Variants in FANCA observed in about 807,000 individuals in gnomAD.
FANCA encodes the protein Fanconi anemia group A protein.
In FANCA, 236 loss-of-function variants were observed where a neutral mutation model predicts 194.3. The ratio of observed to expected loss-of-function variants is 1.21; its 90% CI spans 1.09 to 1.35. The LOEUF (loss-of-function observed/expected upper bound fraction) is 1.35. Among genes scored for constraint, FANCA ranks in the 40% most tolerant of loss-of-function variants. The pLI is 0.00. For missense variants in FANCA, 2,628 were observed against 1,813.9 expected, an observed-to-expected ratio of 1.45 and a Z score of -8.15; for synonymous variants, 1,014 against 715.8, an observed-to-expected ratio of 1.42 and a Z score of -6.65.
chr16:89,773,259 A>T lies in FANCA; in HGVS notation c.2014+12T>A, dbSNP rs370998253. The T allele has an allele frequency of 1.4e-5, 21 of 1,542,374 alleles. No homozygotes were observed. In the African/African-American group the frequency reaches 2.7e-4, roughly 20 times the overall value. On this transcript the variant is annotated intron_variant, in intron 22 of 42. Transcript: ENST00000389301. Reference sequence around the variant, plus strand: ...CACATGAGACACAGCATGAGCTCCCATCCATCCTCACCATCACGCTGGCTG... The same window carrying T: ...CACATGAGACACAGCATGAGCTCCCTTCCATCCTCACCATCACGCTGGCTG...
rs1384786686 is a variant in FANCA at position 89,792,104 on chromosome 16, G to C, written c.1084-36C>G. On this transcript the variant is annotated intron_variant, in intron 12 of 42. Transcript: ENST00000389301. ...AGCATCCGCTCCCTTCAATATCCAA[G>C]CAAACCAATGTGCGACAGATGACCC... is the stretch of plus-strand genomic sequence containing the variant. 3 of 1,613,872 alleles carry C rather than the reference G, an allele frequency of 1.9e-6. No homozygotes were observed. In the East Asian group the frequency reaches 6.7e-5, roughly 36 times the overall value.
intron 15 of FANCA, 58 bp from the exon 16 acceptor site, chr16:89,783,160 G>T: frequency 7.5e-7 from 1 of 1,325,314 alleles, no homozygotes; most frequent in South Asian, 1.2e-5. Context: ...GGGACTCCAG[G>T]GAGGCCACAA....
Position 89,814,590 on chromosome 16 carries a change from T to C in FANCA, c.213A>G (p.Lys71=). Residue 71 remains lysine, a synonymous_variant, in exon 3 of 43, where the codon AAA becomes AAG. Transcript: ENST00000389301. ...AGTCAATCACTTTGCTGAGAGACAA[T>C]TTTTTACACAGTGGACCTTCTACCT... The part of the protein sequence containing the change: ...LLEVEGPLCK[K]LSLSKVIDCD... The C allele has an allele frequency of 3.1e-6, 5 of 1,613,512 alleles. No individual in the cohort carries two copies. Among genetic ancestry groups the C allele is most frequent in the South Asian group, 2.2e-5 (2 of 91,058 alleles).
Position 89,739,154 on chromosome 16 carries a change from C to A in FANCA, c.4146G>T (p.Arg1382Ser). 6.2e-7 allele frequency: 1 copy of A among 1,614,138 alleles called. No homozygotes were observed. The highest frequency in any genetic ancestry group is 8.5e-7 in the Non-Finnish European group (1 of 1,180,040). The part of the protein sequence containing the change: ...DTSTVSPPAG[R>S]SLELKGQGNP... ...CTGCCTGACCCTTGAGCTCCAGGCTCCTGCCAGCTGGAGGTGAAACTGTGC... is the reference window on the plus strand; with the variant it reads ...CTGCCTGACCCTTGAGCTCCAGGCTACTGCCAGCTGGAGGTGAAACTGTGC... Residue 1382 changes from arginine to serine, a missense_variant, in exon 41 of 43, where the codon AGG becomes AGT. Transcript: ENST00000389301.
At chr16:89,798,730 G>A in intron 10 of FANCA, 1 of 1,343,320 alleles carries the variant, frequency 7.4e-7, no homozygotes, top group Non-Finnish European at 9.6e-7. Context: ...GTGAATCTGA[G>A]CAGGATCTGT....
intron 28 of FANCA, 168 bp downstream of exon 28, chr16:89,764,722 T>C (rs982870001): frequency 2.1e-5 from 17 of 819,224 alleles, no homozygotes; most frequent in East Asian, 2.0e-4. Context: ...ACACGCACCC[T>C]AGACTCGAGA....
intron 27 of FANCA, 118 bp downstream of exon 27, chr16:89,767,023 C>T (rs1266046962): frequency 2.4e-6 from 2 of 841,032 alleles, no homozygotes; most frequent in Non-Finnish European, 4.1e-6. Context: ...CCAGCCTGAC[C>T]CAGGAGCTGC....
rs145686036 is a variant in FANCA, at chr16:89,738,201, C to T, written c.*400G>A. The T allele has an allele frequency of 2.5e-6, 4 of 1,611,448 alleles. No individual in the cohort carries two copies. Among genetic ancestry groups the T allele is most frequent in the Non-Finnish European group, 2.5e-6 (3 of 1,179,194 alleles). On this transcript the variant is annotated 3_prime_UTR_variant, in exon 43 of 43. Coordinates refer to ENST00000389301, the MANE Select transcript of FANCA (RefSeq NM_000135.4). ...AACCACCACCTGGGCCACCGAGCCC[C>T]TCTGTGACCACAGAGGGCCAGGCGG...
At chr16:89,751,584 A>C (rs1056922683) in intron 31 of FANCA, among the ~76,000 whole-genome samples, 2 of 152,082 alleles carry the variant, frequency 1.3e-5, no homozygotes, top group African/African-American at 4.8e-5. Context: ...GAGGCCCCAG[A>C]GCTGGCGGAG....
At chr16:89,741,585 T>C (rs1460784215) in intron 37 of FANCA, among the ~76,000 whole-genome samples, 2 of 152,148 alleles carry the variant, frequency 1.3e-5, no homozygotes, top group Admixed American at 6.6e-5. Flanking sequence ...GCTGTGTGGG[T>C]GTCACTGGTC....
At chr16:89,800,702 T>C (rs187516938) in intron 8 of FANCA, among the ~76,000 whole-genome samples, 171 of 152,148 alleles carry the variant, frequency 1.1e-3, no homozygotes, top group African/African-American at 3.9e-3. Context: ...GAGGTTGATA[T>C]AAACATACAC....
chr16:89,761,736 T>TG (rs996226110), intron 29 of FANCA, among the ~76,000 whole-genome samples: 143 of 152,274 alleles, frequency 9.4e-4, no homozygotes, highest in Middle Eastern at 3.4e-3. Flanking sequence ...GCAATGCTCC[T>TG]GCTCAGCTTC....
At chr16:89,792,724 C>T in intron 11 of FANCA, 177 bp from the exon 12 acceptor site, 2 of 589,776 alleles carry the variant, frequency 3.4e-6, no homozygotes, top group South Asian at 1.7e-5. Flanking sequence ...CCCGGGGGAC[C>T]ACTACCATCA....
chr16:89,760,344 C>G (rs2038910974), intron 29 of FANCA, among the ~76,000 whole-genome samples: 1 of 152,226 alleles, frequency 6.6e-6, no homozygotes, highest in Non-Finnish European at 1.5e-5. Context: ...CCTATGTTTT[C>G]CTTTTCCTAT....
At chr16:89,793,747 CT>C (rs2040154857) in intron 11 of FANCA, among the ~76,000 whole-genome samples, 1 of 151,894 alleles carries the variant, frequency 6.6e-6, no homozygotes, top group Non-Finnish European at 1.5e-5. Flanking sequence ...TACCCAGATA[CT>C]TTTTGTATTT....
chr16:89,745,959 G>A (rs1251686249), intron 35 of FANCA, among the ~76,000 whole-genome samples: 1 of 152,214 alleles, frequency 6.6e-6, no homozygotes, highest in African/African-American at 2.4e-5. Context: ...CCTGCTTGGG[G>A]AGCTCCCTGG....
intron 26 of FANCA, among the ~76,000 whole-genome samples, chr16:89,769,033 T>C (rs1366799825): frequency 1.3e-5 from 2 of 152,160 alleles, no homozygotes; most frequent in South Asian, 4.1e-4. Context: ...ATGTCTGAGG[T>C]GTGGGATCCG....
chr16:89,740,453 G>A (rs897016245), intron 38 of FANCA: 6 of 458,182 alleles, frequency 1.3e-5, no homozygotes, highest in Admixed American at 1.1e-4. Flanking sequence ...CTGGCAATAT[G>A]GTGAAACCCC....
At chr16:89,776,249 C>T (rs1478120523) in intron 20 of FANCA, among the ~76,000 whole-genome samples, 1 of 146,196 alleles carries the variant, frequency 6.8e-6, no homozygotes, top group African/African-American at 2.5e-5. Flanking sequence ...CTCACTGCAA[C>T]CTCCGCCTCC....
Sources: gnomAD v4.1 joint callset for allele counts (sites outside exome capture counted in the v4.1 genomes callset) on GRCh38, gnomAD v4.1.1 for gene constraint, MANE v1.5 for transcripts, NCBI Gene and HGNC (gene_info 2026-07-23, HGNC 2026-07-21) for gene names.